TBXAS1: variants seen among roughly 807,000 people sequenced by gnomAD.
The protein encoded by TBXAS1 is thromboxane A synthase 1, also known as thromboxane-A synthase.
A neutral mutation model predicts 60.7 loss-of-function variants in TBXAS1; 48 were observed. That is an observed-to-expected ratio of 0.79 (90% CI 0.63 to 1.01). The LOEUF is 1.01. Among genes scored for constraint, TBXAS1 ranks in the 50% least tolerant of loss-of-function variants. The pLI is 0.00. For synonymous variants in TBXAS1, 287 were observed against 269.7 expected (o/e 1.06, Z -0.63); for missense variants, 685 against 686.3 (o/e 1.00, Z 0.02).
chr7:139,962,328 A>G (rs1810439271), intron 9 of TBXAS1, 95 bp downstream of exon 9: 5 of 1,419,824 alleles, frequency 3.5e-6, no homozygotes, highest in Admixed American at 1.8e-5. Context: ...TGACTTGCTA[A>G]TATCACATTC....
At chr7:139,832,504 G>A (rs913705417) in intron 1 of TBXAS1, among the ~76,000 whole-genome samples, 5 of 152,130 alleles carry the variant, frequency 3.3e-5, no homozygotes, top group African/African-American at 1.2e-4. Context: ...TCCTGAGGAA[G>A]AAGAGAATTC....
In TBXAS1 at chr7:140,007,530, T is replaced by G. The variant is rs75141124; in HGVS notation, c.1226+348T>G. On this transcript the variant is annotated intron_variant, in intron 10 of 12. Transcript: ENST00000448866. ...ATTCATTCATTCAGCAATTGTTTAT[T>G]GAGCATCTACTCTGTGCCAAGCATT... Among the ~76,000 whole-genome samples, 673 of 152,336 alleles carry G rather than the reference T, an allele frequency of 4.4e-3. 6 individuals carry two copies. The highest frequency in any genetic ancestry group is 0.015 in the African/African-American group (640 of 41,572).
At chr7:139,968,659 A>G (rs1167748897) in intron 9 of TBXAS1, among the ~76,000 whole-genome samples, 1 of 152,106 alleles carries the variant, frequency 6.6e-6, no homozygotes, top group Non-Finnish European at 1.5e-5. Context: ...TTTTCTTCCA[A>G]ATCGTCTTGT....
chr7:139,923,508 TTGATACATGCATGTATCATGCATGCA>T (rs752376648), intron 4 of TBXAS1, among the ~76,000 whole-genome samples: 210 of 152,008 alleles, frequency 1.4e-3, no homozygotes, highest in Middle Eastern at 6.8e-3. Flanking sequence ...ATGAAATATT[TTGATACATGCATGTATCATGCATGCA>T]TGATACATGC....
chr7:139,984,399 G>A (rs938810327), intron 9 of TBXAS1, among the ~76,000 whole-genome samples: 11 of 151,430 alleles, frequency 7.3e-5, no homozygotes, highest in Non-Finnish European at 1.6e-4. Context: ...TCCTTGACCT[G>A]CCACAATGCC....
chr7:139,798,671 C>T (rs1569491398), intron 4 of TBXAS1, among the ~76,000 whole-genome samples: 1 of 152,154 alleles, frequency 6.6e-6, no homozygotes, highest in Non-Finnish European at 1.5e-5. Context: ...TTGTCTCATA[C>T]CAACCATAAT....
chr7:139,893,367 C>G (rs1024733325), intron 3 of TBXAS1, among the ~76,000 whole-genome samples: 1 of 150,832 alleles, frequency 6.6e-6, no homozygotes, highest in East Asian at 1.9e-4. Context: ...CACACACACA[C>G]AGCTCCCTTC....
intron 4 of TBXAS1, among the ~76,000 whole-genome samples, chr7:139,919,206 A>G (rs1165294634): frequency 6.6e-6 from 1 of 152,186 alleles, no homozygotes; most frequent in African/African-American, 2.4e-5. Context: ...TCACGTCTCC[A>G]GGTGGGAAGG....
At chr7:139,828,389 G>T (rs1203074966), upstream of TBXAS1, among the ~76,000 whole-genome samples, 1 of 152,140 alleles carries the variant, frequency 6.6e-6, no homozygotes, top group Non-Finnish European at 1.5e-5. Flanking sequence ...AATATTGGGG[G>T]ATTGTGTTGG....
At chr7:139,879,317 A>G (rs1324894025) in intron 3 of TBXAS1, among the ~76,000 whole-genome samples, 1 of 152,188 alleles carries the variant, frequency 6.6e-6, no homozygotes, top group Admixed American at 6.5e-5. Flanking sequence ...CCTTCTTTGA[A>G]CTTGAATGTA....
intron 1 of TBXAS1, among the ~76,000 whole-genome samples, chr7:139,857,853 C>T (rs1406563287): frequency 6.6e-6 from 1 of 151,842 alleles, no homozygotes; most frequent in Non-Finnish European, 1.5e-5. Flanking sequence ...GCCTCAGCCT[C>T]CCAAGTAGGT....
At chr7:139,979,254 C>T (rs1415821039) in intron 9 of TBXAS1, among the ~76,000 whole-genome samples, 12 of 152,174 alleles carry the variant, frequency 7.9e-5, no homozygotes, top group Admixed American at 7.9e-4. Flanking sequence ...TAGGGTGTCC[C>T]CTCTCTGTCT....
At chr7:139,945,637 A>T (rs1003684221) in intron 5 of TBXAS1, among the ~76,000 whole-genome samples, 1 of 152,272 alleles carries the variant, frequency 6.6e-6, no homozygotes, top group African/African-American at 2.4e-5. Flanking sequence ...TGCAATAGTT[A>T]CCACAAAAGA....
chr7:139,949,322 A>C (rs1809009596), intron 5 of TBXAS1, among the ~76,000 whole-genome samples: 1 of 152,198 alleles, frequency 6.6e-6, no homozygotes, highest in Admixed American at 6.5e-5. Context: ...GTACATATAT[A>C]TATGTAGATA....
rs368719678 is a variant in TBXAS1 at position 139,936,221 on chromosome 7, G to A, written c.364G>A (p.Asp122Asn). 91 of 1,614,202 alleles carry A rather than the reference G, an allele frequency of 5.6e-5. No homozygotes were observed. Among genetic ancestry groups the A allele is most frequent in the East Asian group, 8.9e-5 (4 of 44,882 alleles). Residue 122 changes from aspartate to asparagine, a missense_variant, in exon 5 of 13, where the codon GAC (aspartate) becomes AAC (asparagine). Coordinates refer to ENST00000448866, the MANE Select transcript of TBXAS1 (RefSeq NM_001061.7). ...GGGTTTGGAGTTCAAGTCGGTAGCC[G>A]ACAGCGTTCTGTTTTTACGTGACAA... ...ASGLEFKSVA[D>N]SVLFLRDKRW...
At chr7:139,797,197 G>T (rs1161855332) in intron 4 of TBXAS1, 2 of 152,200 alleles carry the variant, frequency 1.3e-5, no homozygotes, top group Admixed American at 1.3e-4. Flanking sequence ...GTCTGTTTTT[G>T]TATTTTTCAC....
intron 4 of TBXAS1, among the ~76,000 whole-genome samples, chr7:139,921,995 A>AT (rs1337688365): frequency 6.6e-6 from 1 of 151,218 alleles, no homozygotes; most frequent in Non-Finnish European, 1.5e-5. Flanking sequence ...TCTTGCCATT[A>AT]TTTTTCACTG....
chr7:139,894,170 C>T (rs1367106120), intron 3 of TBXAS1, among the ~76,000 whole-genome samples: 2 of 152,350 alleles, frequency 1.3e-5, no homozygotes, highest in South Asian at 2.1e-4. Flanking sequence ...TCCTTAGCAG[C>T]AGGAGGCCTC....
At chr7:139,832,963 C>A (rs986400919) in intron 1 of TBXAS1, among the ~76,000 whole-genome samples, 2 of 151,978 alleles carry the variant, frequency 1.3e-5, no homozygotes, top group Non-Finnish European at 2.9e-5. Flanking sequence ...AAAGGAGCTC[C>A]AAATCTTGAA....
Sources: allele counts gnomAD v4.1 joint callset (sites outside exome capture counted in the v4.1 genomes callset), GRCh38; gene constraint gnomAD v4.1.1; transcripts MANE v1.5; gene names NCBI Gene and HGNC (gene_info 2026-07-23, HGNC 2026-07-21).